RANBP2: variants seen among roughly 807,000 people sequenced by gnomAD.
The protein encoded by RANBP2 is E3 SUMO-protein ligase RanBP2.
Under a neutral mutation model 303.6 loss-of-function variants are expected in RANBP2, and 57 were observed. The ratio of observed to expected loss-of-function variants is 0.19; its 90% CI spans 0.15 to 0.23. The LOEUF (loss-of-function observed/expected upper bound fraction) is 0.23. Ranked by LOEUF, RANBP2 falls within the 10% of genes least tolerant of loss-of-function variation. The pLI is 1.00. For synonymous variants in RANBP2, 1,167 were observed against 1,301.5 expected, an observed-to-expected ratio of 0.90 and a Z score of 2.23; for missense variants, 3,138 against 3,780.8, an observed-to-expected ratio of 0.83 and a Z score of 4.46.
chr2:108,740,657 A>G lies in RANBP2; in HGVS notation c.951A>G (p.Ala317=), dbSNP rs750467478. The change falls in exon 7 of 29, where the codon GCA becomes GCG. Residue 317 remains alanine (A), a synonymous_variant. Transcript: ENST00000283195. ...GGCGAGCTCTTTCTGAGCTGGCTGCATTGTGCTATCTCATAGCATTTCAGG... is the reference window on the plus strand; with the variant it reads ...GGCGAGCTCTTTCTGAGCTGGCTGCGTTGTGCTATCTCATAGCATTTCAGG... ...VQWRALSELA[A]LCYLIAFQVP... is the part of the protein sequence containing the mutation. 1.0e-5 allele frequency: 16 copies of G among 1,597,428 alleles called. No individual in the cohort carries two copies. Among genetic ancestry groups the G allele is most frequent in the East Asian group, 8.9e-5 (4 of 44,892 alleles).
chr2:108,777,925 G>C (rs1677998014), intron 25 of RANBP2, among the ~76,000 whole-genome samples: 1 of 152,012 alleles, frequency 6.6e-6, no homozygotes, highest in Non-Finnish European at 1.5e-5. Flanking sequence ...TCAGAATTCT[G>C]TTCTTTCCTC....
At chr2:108,960,990 A>C in the RANBP2 span, among the ~76,000 whole-genome samples, 1 of 152,216 alleles carries the variant, frequency 6.6e-6, no homozygotes, top group Non-Finnish European at 1.5e-5. Flanking sequence ...CAGTGGATAG[A>C]CTTCTAATTA....
the RANBP2 span, among the ~76,000 whole-genome samples, chr2:109,435,722 T>C: frequency 6.6e-6 from 1 of 152,264 alleles, no homozygotes; most frequent in Admixed American, 6.5e-5. Flanking sequence ...CTTGTCAATA[T>C]CACCTTGCAA....
At chr2:108,816,696 T>A in the RANBP2 span, among the ~76,000 whole-genome samples, 10,741 of 152,110 alleles carry the variant, frequency 0.071, 1,292 homozygotes, top group African/African-American at 0.24. Flanking sequence ...ACCTCTTTTT[T>A]AAAAAGCTTT....
the RANBP2 span, among the ~76,000 whole-genome samples, chr2:109,528,233 C>T: frequency 1.3e-5 from 2 of 152,130 alleles, no homozygotes; most frequent in Non-Finnish European, 2.9e-5. Context: ...AGGAGGGATA[C>T]CCTGTGCCCC....
the RANBP2 span, among the ~76,000 whole-genome samples, chr2:109,238,289 G>C: frequency 3.3e-5 from 5 of 152,148 alleles, no homozygotes; most frequent in Admixed American, 6.5e-5. Flanking sequence ...ATACCAGATG[G>C]CAAGTACACT....
the RANBP2 span, among the ~76,000 whole-genome samples, chr2:109,736,476 C>G: frequency 1.3e-5 from 2 of 152,172 alleles, no homozygotes; most frequent in African/African-American, 2.4e-5. Flanking sequence ...AAACACATTA[C>G]TTACACATTA....
the RANBP2 span, among the ~76,000 whole-genome samples, chr2:109,043,855 T>C: frequency 1.3e-5 from 2 of 152,052 alleles, no homozygotes; most frequent in Non-Finnish European, 2.9e-5. Flanking sequence ...GTTGGAAAGA[T>C]GGAAATAATT....
chr2:109,479,509 G>C, the RANBP2 span, among the ~76,000 whole-genome samples: 3 of 152,090 alleles, frequency 2.0e-5, no homozygotes, highest in Admixed American at 6.5e-5. Context: ...AAGTTCCACC[G>C]TATCTGTTCT....
the RANBP2 span, among the ~76,000 whole-genome samples, chr2:108,952,298 G>A: frequency 1.1e-4 from 16 of 152,184 alleles, no homozygotes; most frequent in Non-Finnish European, 2.2e-4. Context: ...GGGAGATTGG[G>A]TAGAAGGTAG....
the RANBP2 span, among the ~76,000 whole-genome samples, chr2:109,378,218 G>A: frequency 9.2e-5 from 14 of 152,186 alleles, no homozygotes; most frequent in African/African-American, 3.4e-4. Context: ...TTCACCCACC[G>A]GCTTGCACTC....
chr2:109,219,973 A>G, the RANBP2 span, among the ~76,000 whole-genome samples: 219 of 152,338 alleles, frequency 1.4e-3, no homozygotes, highest in African/African-American at 5.0e-3. Context: ...AACCAAAACA[A>G]TCTTGAAAAG....
In RANBP2 at chr2:108,749,027, T is replaced by C. The variant is rs1675625656; in HGVS notation, c.1171T>C (p.Ser391Pro). 1.9e-6 allele frequency: 3 copies of C among 1,612,000 alleles called. No homozygotes were observed. The highest frequency in any genetic ancestry group is 2.5e-6 in the Non-Finnish European group (3 of 1,179,858). The change falls in exon 9 of 29, where the codon TCT becomes CCT. Residue 391 changes from serine (S) to proline (P), a missense_variant. Around this residue, in one of 20 missense-constraint regions of RANBP2, gnomAD observed 95 missense variants for 86.4 expected, o/e 1.10. Coordinates refer to ENST00000283195, the MANE Select transcript of RANBP2 (RefSeq NM_006267.5). ...GQSALYDALF[S>P]SQSPKDTSFL... ...GTCTGCATTATATGATGCTCTGTTTTCTAGTCAGTCACCTAAGGATACATC... is the reference window on the plus strand; with the variant it reads ...GTCTGCATTATATGATGCTCTGTTTCCTAGTCAGTCACCTAAGGATACATC...
the RANBP2 span, among the ~76,000 whole-genome samples, chr2:109,011,279 A>G: frequency 6.6e-6 from 1 of 152,140 alleles, no homozygotes; most frequent in Non-Finnish European, 1.5e-5. Context: ...GAATGTTTTG[A>G]GGTCTTGAAT....
At chr2:109,657,712 GAGTT>G in the RANBP2 span, among the ~76,000 whole-genome samples, 80 of 130,170 alleles carry the variant, frequency 6.1e-4, 1 homozygote, top group East Asian at 3.7e-3. Context: ...TGAATTAGCT[GAGTT>G]TTTTTTTTTT....
At chr2:108,739,517 G>A (rs1360074063) in intron 6 of RANBP2, among the ~76,000 whole-genome samples, 1 of 152,148 alleles carries the variant, frequency 6.6e-6, no homozygotes, top group Non-Finnish European at 1.5e-5. Flanking sequence ...ATCCCCTGAA[G>A]GGGTTTTTGA....
the RANBP2 span, among the ~76,000 whole-genome samples, chr2:108,912,393 G>C: frequency 6.6e-5 from 10 of 152,286 alleles, no homozygotes; most frequent in African/African-American, 1.9e-4. Flanking sequence ...CTCTCCTCCT[G>C]GCCGGGCTTG....
At chr2:109,259,826 G>T in the RANBP2 span, among the ~76,000 whole-genome samples, 3 of 152,116 alleles carry the variant, frequency 2.0e-5, no homozygotes, top group Non-Finnish European at 4.4e-5. Flanking sequence ...TGTTTGTCTG[G>T]CTCTGAGAGC....
At chr2:108,744,765 C>A (rs538723583) in intron 7 of RANBP2, among the ~76,000 whole-genome samples, 2 of 152,122 alleles carry the variant, frequency 1.3e-5, no homozygotes, top group Admixed American at 6.5e-5. Context: ...AAAATTCTGG[C>A]GGCTCTTAAG....
Sources: allele counts gnomAD v4.1 joint callset (sites outside exome capture counted in the v4.1 genomes callset), GRCh38; gene constraint gnomAD v4.1.1; regional missense constraint gnomAD v4.1.1; transcripts MANE v1.5; gene names NCBI Gene and HGNC (gene_info 2026-07-23, HGNC 2026-07-21).